Variants in PNISR observed in about 807,000 individuals in gnomAD.
The protein encoded by PNISR is arginine/serine-rich protein PNISR.
PNISR carries 20 observed loss-of-function variants against 93.4 expected under a neutral mutation model. The ratio of observed to expected loss-of-function variants is 0.21; its 90% CI spans 0.15 to 0.31. The LOEUF (loss-of-function observed/expected upper bound fraction) is 0.31, where lower values mean the gene tolerates loss of function less well. Ranked by LOEUF, PNISR falls within the 10% of genes least tolerant of loss-of-function variation. PNISR has a pLI of 1.00. For synonymous variants in PNISR, 305 were observed against 306.5 expected, an observed-to-expected ratio of 0.99 and a Z score of 0.05; for missense variants, 893 against 985.4, an observed-to-expected ratio of 0.91 and a Z score of 1.25.
At chr6:99,425,130 T>C in intron 1 of PNISR, 85 bp downstream of exon 1, 1 of 937,980 alleles carries the variant, frequency 1.1e-6, no homozygotes, top group Non-Finnish European at 1.4e-6. Flanking sequence ...CAGCCTATTT[T>C]AAGTTATGCT....
intron 1 of PNISR, among the ~76,000 whole-genome samples, chr6:99,417,714 C>T (rs1777888197): frequency 6.6e-6 from 1 of 151,988 alleles, no homozygotes; most frequent in East Asian, 1.9e-4. Context: ...GTGTGTAATC[C>T]CAGCACTTTG....
At chr6:99,418,325 C>T (rs901062852) in intron 1 of PNISR, among the ~76,000 whole-genome samples, 2 of 151,694 alleles carry the variant, frequency 1.3e-5, no homozygotes, top group East Asian at 3.9e-4. Context: ...TCAGTAGAGA[C>T]GGGGTTTCAC....
chr6:99,424,051 G>A (rs1022228935), intron 1 of PNISR, among the ~76,000 whole-genome samples: 1 of 152,102 alleles, frequency 6.6e-6, no homozygotes, highest in African/African-American at 2.4e-5. Context: ...CTGAGGTTAG[G>A]ACTTCAAGAT....
rs1775120440 is a variant in PNISR at position 99,398,566 on chromosome 6, C to T, written c.*1974G>A. On this transcript the variant is annotated 3_prime_UTR_variant, in exon 12 of 12. Coordinates refer to ENST00000369239, the MANE Select transcript of PNISR (RefSeq NM_032870.4). Reference sequence around the variant, plus strand: ...ACTACAGACTTAACTGATAAGCTTGCAAATTACGGCAGAGTAAATAAAACT... The same window carrying T: ...ACTACAGACTTAACTGATAAGCTTGTAAATTACGGCAGAGTAAATAAAACT... 1 of 152,060 alleles carries T rather than the reference C, an allele frequency of 6.6e-6. No individual in the cohort carries two copies. Among genetic ancestry groups the T allele is most frequent in the South Asian group, 2.1e-4 (1 of 4,836 alleles). 9.4% of individuals were successfully genotyped at this position (152,060 alleles called of 1,614,324 possible). A position where few individuals can be genotyped will look rare whatever the true frequency, so the allele number is the denominator to read the frequency against.
In PNISR at chr6:99,401,641, A is replaced by G; in HGVS notation, c.1328-11T>C. 4 of 1,508,406 alleles carry G rather than the reference A, an allele frequency of 2.7e-6. No homozygotes were observed. Among genetic ancestry groups the G allele is most frequent in the Non-Finnish European group, 2.6e-6 (3 of 1,134,736 alleles). 93.4% of individuals were successfully genotyped at this position (1,508,406 alleles called of 1,614,324 possible). A position where few individuals can be genotyped will look rare whatever the true frequency, so the allele number is the denominator to read the frequency against. ...TTTGCTGCTTTTCTTCTGAAACAGA[A>G]AAAGACAAAAACACTAAGAAAATGT... is the stretch of plus-strand genomic sequence containing the variant. On this transcript the variant is annotated splice_polypyrimidine_tract_variant and intron_variant, in intron 11 of 11. Coordinates refer to ENST00000369239, the MANE Select transcript of PNISR (RefSeq NM_032870.4).
rs373091880 is a variant in PNISR, at chr6:99,406,144, T to C, written c.889A>G (p.Thr297Ala). ...CTACTTGCAGCCTCAACATTTTCAGTGTCTTCTTCTTCCTCATCACTATCC... is the reference window on the plus strand; with the variant it reads ...CTACTTGCAGCCTCAACATTTTCAGCGTCTTCTTCTTCCTCATCACTATCC... ...KFDSDEEEED[T>A]ENVEAASSGK... is the part of the protein sequence containing the mutation. Residue 297 changes from threonine (T) to alanine (A), a missense_variant, in exon 8 of 12, where the codon ACT becomes GCT. Coordinates refer to ENST00000369239, the MANE Select transcript of PNISR (RefSeq NM_032870.4). 82 of 1,610,054 alleles carry C rather than the reference T, an allele frequency of 5.1e-5. No homozygotes were observed. Among genetic ancestry groups the C allele is most frequent in the Admixed American group, 3.8e-4 (23 of 59,932 alleles).
At chr6:99,401,827 CAAA>C (rs1449131257) in intron 11 of PNISR, among the ~76,000 whole-genome samples, 197 bp from the exon 12 acceptor site, 1 of 151,996 alleles carries the variant, frequency 6.6e-6, no homozygotes, top group East Asian at 1.9e-4. Context: ...CCCAATATAC[CAAA>C]AATATTATCA....
In PNISR at chr6:99,410,888, G is replaced by C; in HGVS notation, c.354C>G (p.Asp118Glu). 1 of 1,614,096 alleles carries C rather than the reference G, an allele frequency of 6.2e-7. No homozygotes were observed. Among genetic ancestry groups the C allele is most frequent in the Non-Finnish European group, 8.5e-7 (1 of 1,179,988 alleles). ...PWMPPTPGPM[D>E]IVPPSEDSNS... is the part of the protein sequence containing the mutation. Reference sequence around the variant, plus strand: ...TGCTGTCTTCAGAAGGAGGAACAATGTCCATTGGGCCTGGTGTTGGTGGCA... The same window carrying C: ...TGCTGTCTTCAGAAGGAGGAACAATCTCCATTGGGCCTGGTGTTGGTGGCA... Residue 118 changes from aspartate (D) to glutamate (E), a missense_variant, in exon 5 of 12, where the codon GAC (aspartate) becomes GAG (glutamate). This residue lies in a region of PNISR where 866 missense variants were observed against 935.1 expected (regional missense o/e 0.93). Transcript: ENST00000369239.
At chr6:99,408,710 A>G (rs1776465393) in intron 6 of PNISR, among the ~76,000 whole-genome samples, 1 of 152,214 alleles carries the variant, frequency 6.6e-6, no homozygotes. Flanking sequence ...CACTTGAAAT[A>G]GGCTGGCTCT....
chr6:99,412,893 G>T (rs947214806), intron 3 of PNISR, among the ~76,000 whole-genome samples, 154 bp from the exon 4 acceptor site: 4 of 152,034 alleles, frequency 2.6e-5, no homozygotes, highest in African/African-American at 9.7e-5. Flanking sequence ...TTTTGAATGA[G>T]ATCTTAAATA....
chr6:99,399,474 A>T lies in PNISR; in HGVS notation c.*1066T>A, dbSNP rs980964385. 6.6e-6 allele frequency: 1 copy of T among 152,154 alleles called. No homozygotes were observed. Among genetic ancestry groups the T allele is most frequent in the Non-Finnish European group, 1.5e-5 (1 of 67,984 alleles). 9.4% of individuals were successfully genotyped at this position (152,154 alleles called of 1,614,324 possible). A position where few individuals can be genotyped will look rare whatever the true frequency, so the allele number is the denominator to read the frequency against. ...AAAATATAAATAAATATATTGAATC[A>T]TGAGTCTTATTTCTATAACCCCAAA... On this transcript the variant is annotated 3_prime_UTR_variant, in exon 12 of 12. Transcript: ENST00000369239.
chr6:99,400,899 C>G lies in PNISR; in HGVS notation c.2059G>C (p.Glu687Gln), dbSNP rs750896373. ...TGTTTCTCTTTTCTTTTATCCTGTT[C>G]ACGTTCCCTTTCTTTGTCTTTCTTT... is the stretch of plus-strand genomic sequence containing the variant. ...RKKKDKERER[E>Q]QDKRKEKQKR... Residue 687 changes from glutamate to glutamine, a missense_variant, in exon 12 of 12, where the codon GAA (glutamate) becomes CAA (glutamine). Glu to Gln is a conservative substitution (Grantham distance 29). Around this residue, in one of 3 missense-constraint regions of PNISR, gnomAD observed 866 missense variants for 935.1 expected, o/e 0.93. Transcript: ENST00000369239. The G allele has an allele frequency of 1.1e-5, 18 of 1,571,388 alleles. No homozygotes were observed. Among genetic ancestry groups the G allele is most frequent in the Non-Finnish European group, 1.6e-5 (18 of 1,144,244 alleles).
At position 99,400,615 on chromosome 6, in the gene PNISR, C is replaced by G; in HGVS notation, c.2343G>C (p.Ser781=). 1 of 1,614,044 alleles carries G rather than the reference C, an allele frequency of 6.2e-7. No homozygotes were observed. The highest frequency in any genetic ancestry group is 8.5e-7 in the Non-Finnish European group (1 of 1,179,996). ...KKAKKPKHSR[S]RSVEKSQRSG... is the part of the protein sequence containing the mutation. ...ACCTTTGAGATTTCTCCACGGATCG[C>G]GATCGACTATGTTTAGGCTTCTTAG... Residue 781 remains serine, a synonymous_variant, in exon 12 of 12, where the codon TCG becomes TCC. Transcript: ENST00000369239.
Position 99,401,402 on chromosome 6 carries a change from C to T in PNISR, c.1556G>A (p.Ser519Asn). 1 of 1,603,324 alleles carries T rather than the reference C, an allele frequency of 6.2e-7. No individual in the cohort carries two copies. ...RSGSSSSGSS[S>N]SNSRTSSTSS... ...AGTACTACTAGTTCTGCTATTGCTA[C>T]TGGAACTACCACTACTAGAACTTCC... Residue 519 changes from serine to asparagine, a missense_variant, in exon 12 of 12, where the codon AGT becomes AAT. Physicochemically the swap from Ser to Asn is conservative, Grantham distance 46 (BLOSUM62 1). Transcript: ENST00000369239.
Position 99,400,252 on chromosome 6 carries a change from A to C in PNISR, c.*288T>G, listed in dbSNP as rs867251280. The C allele has an allele frequency of 2.0e-4, 160 of 789,058 alleles. No individual in the cohort carries two copies. The highest frequency in any genetic ancestry group is 1.5e-3 in the Middle Eastern group (5 of 3,238). The allele number at this position is 789,058 out of a possible 1,614,324, so 48.9% of individuals were successfully genotyped here. A position where few individuals can be genotyped will look rare whatever the true frequency, so the allele number is the denominator to read the frequency against. On this transcript the variant is annotated 3_prime_UTR_variant, in exon 12 of 12. Coordinates refer to ENST00000369239, the MANE Select transcript of PNISR (RefSeq NM_032870.4). ...AAAACTCATGGAATTTTTTTAAAGA[A>C]CATCATGGCATTCTTGCCACATCAT...
intron 1 of PNISR, among the ~76,000 whole-genome samples, chr6:99,417,372 T>C (rs1415201691): frequency 1.3e-5 from 2 of 152,234 alleles, no homozygotes; most frequent in African/African-American, 2.4e-5. Flanking sequence ...TTAAGTTTTC[T>C]GGTCACCACT....
intron 5 of PNISR, 84 bp downstream of exon 5, chr6:99,410,657 T>TATC (rs1562243653): frequency 2.2e-6 from 2 of 901,132 alleles, no homozygotes; most frequent in Admixed American, 2.1e-5. Flanking sequence ...GTGAAACACG[T>TATC]ATCTTAGGTA....
At chr6:99,409,622 G>T (rs189806968) in intron 5 of PNISR, 14 of 283,978 alleles carry the variant, frequency 4.9e-5, no homozygotes, top group African/African-American at 2.9e-4. Flanking sequence ...CCATTTACAA[G>T]CTAATCCTAC....
At chr6:99,411,799 T>A (rs9321538) in intron 4 of PNISR, 1 of 144,142 alleles carries the variant, frequency 6.9e-6, no homozygotes, top group Non-Finnish European at 1.5e-5. Context: ...GGTTTTTTTT[T>A]TTTTTTTTTT....
Sources: gnomAD v4.1 joint callset for allele counts (sites outside exome capture counted in the v4.1 genomes callset) on GRCh38, gnomAD v4.1.1 for gene constraint, gnomAD v4.1.1 regional missense constraint, MANE v1.5 for transcripts, NCBI Gene and HGNC (gene_info 2026-07-23, HGNC 2026-07-21) for gene names.